Variants in ATP8A1 observed in about 807,000 individuals in gnomAD.
ATP8A1 encodes the protein ATPase phospholipid transporting 8A1.
A neutral mutation model predicts 177.7 loss-of-function variants in ATP8A1; 90 were observed. The ratio of observed to expected loss-of-function variants is 0.51; its 90% confidence interval spans 0.43 to 0.60. The LOEUF is 0.60. ATP8A1 is among the 20% of genes least tolerant of loss of function. The pLI is 0.00. For synonymous variants in ATP8A1, 493 were observed against 485.9 expected (o/e 1.01, Z -0.19); for missense variants, 1,072 against 1,392.8 (o/e 0.77, Z 3.67).
At chr4:42,448,519 T>G (rs1216974166) in intron 30 of ATP8A1, among the ~76,000 whole-genome samples, 2 of 150,448 alleles carry the variant, frequency 1.3e-5, no homozygotes, top group African/African-American at 4.9e-5. Flanking sequence ...TGCTTCAGCC[T>G]CTTGAGTAGT....
intron 1 of ATP8A1, among the ~76,000 whole-genome samples, chr4:42,636,785 GGCTCCAT>G (rs1417835399): frequency 1.3e-5 from 2 of 152,136 alleles, no homozygotes; most frequent in African/African-American, 4.8e-5. Flanking sequence ...GCTCCATCAA[GGCTCCAT>G]GCTCCTCATT....
Position 42,428,986 on chromosome 4 carries a change from T to C in ATP8A1, c.3124-5281A>G, listed in dbSNP as rs543220337. On this transcript the variant is annotated intron_variant, in intron 33 of 36. Transcript: ENST00000381668. Reference sequence around the variant, plus strand: ...CCTCTTGTTAGACTATATACTCTCTTAATTCTCATGATCCAAGTGCTTAAC... The same window carrying C: ...CCTCTTGTTAGACTATATACTCTCTCAATTCTCATGATCCAAGTGCTTAAC... Among the ~76,000 whole-genome samples, 79 of 152,314 alleles carry C rather than the reference T, an allele frequency of 5.2e-4. 1 individual carries two copies. The highest frequency in any genetic ancestry group is 1.7e-3 in the African/African-American group (70 of 41,576).
intron 1 of ATP8A1, among the ~76,000 whole-genome samples, chr4:42,629,804 G>C (rs528450274): frequency 6.6e-6 from 1 of 152,222 alleles, no homozygotes; most frequent in Admixed American, 6.5e-5. Context: ...TAATTTGGAA[G>C]TGAGAGTTTG....
Position 42,485,588 on chromosome 4 carries a change from AATT to A in ATP8A1, c.2229_2231del (p.Ile744del). 1 of 1,613,752 alleles carries A rather than the reference AATT, an allele frequency of 6.2e-7. No homozygotes were observed. The highest frequency in any genetic ancestry group is 8.5e-7 in the Non-Finnish European group (1 of 1,179,748). ...AGGCATATTTGAGGGTTTTCCCATC[AATT>A]ATAAGAGCAAAATCATTCTCTTTCC... On this transcript the variant is annotated inframe_deletion, in exon 25 of 37. Coordinates refer to ENST00000381668, the MANE Select transcript of ATP8A1 (RefSeq NM_006095.2).
chr4:42,419,031 C>T (rs527343493), intron 35 of ATP8A1, among the ~76,000 whole-genome samples: 32 of 152,286 alleles, frequency 2.1e-4, no homozygotes, highest in Non-Finnish European at 4.4e-4. Flanking sequence ...TTAAGAACTG[C>T]ATCATTGTAT....
intron 20 of ATP8A1, among the ~76,000 whole-genome samples, chr4:42,533,645 T>G (rs989338147): frequency 3.3e-5 from 5 of 152,144 alleles, no homozygotes; most frequent in Non-Finnish European, 5.9e-5. Context: ...AGGGCAAGCT[T>G]GCATCCTCCC....
chr4:42,528,481 T>G (rs1026219048), intron 20 of ATP8A1, among the ~76,000 whole-genome samples: 5 of 152,038 alleles, frequency 3.3e-5, no homozygotes, highest in Non-Finnish European at 7.4e-5. Context: ...GGAATGACAG[T>G]GGATTATCAG....
At chr4:42,614,492 T>A (rs982573551) in intron 5 of ATP8A1, among the ~76,000 whole-genome samples, 20 of 152,350 alleles carry the variant, frequency 1.3e-4, no homozygotes, top group African/African-American at 4.6e-4. Context: ...AATTCCTGTG[T>A]TTGTCCCTTC....
intron 35 of ATP8A1, among the ~76,000 whole-genome samples, chr4:42,419,872 G>A (rs1412736147): frequency 1.3e-5 from 2 of 152,164 alleles, no homozygotes; most frequent in Non-Finnish European, 2.9e-5. Context: ...GTGTGATGGC[G>A]TGTGCCTGTA....
chr4:42,567,534 C>T (rs1012202676), intron 15 of ATP8A1, among the ~76,000 whole-genome samples: 2 of 152,104 alleles, frequency 1.3e-5, no homozygotes, highest in African/African-American at 4.8e-5. Context: ...GTGAGACTCC[C>T]TCTTAACAAA....
intron 1 of ATP8A1, among the ~76,000 whole-genome samples, chr4:42,650,117 C>T (rs16854653): frequency 0.019 from 2,825 of 152,330 alleles, 33 homozygotes; most frequent in Middle Eastern, 0.054. Context: ...CCTTTGCAAA[C>T]ATTCCCACAG....
At chr4:42,487,550 T>C (rs923194271) in intron 24 of ATP8A1, among the ~76,000 whole-genome samples, 3 of 151,998 alleles carry the variant, frequency 2.0e-5, no homozygotes, top group African/African-American at 7.2e-5. Flanking sequence ...TAATAAAATA[T>C]ACCTACAATA....
intron 24 of ATP8A1, among the ~76,000 whole-genome samples, chr4:42,489,627 T>C (rs1000605184): frequency 2.0e-5 from 3 of 152,240 alleles, no homozygotes; most frequent in Non-Finnish European, 4.4e-5. Context: ...GCTCTGTTGT[T>C]AGCTGTGTGC....
chr4:42,485,130 A>G (rs931292659), intron 25 of ATP8A1, among the ~76,000 whole-genome samples: 4 of 152,200 alleles, frequency 2.6e-5, no homozygotes, highest in South Asian at 4.1e-4. Context: ...TTCAGTTTGC[A>G]TCTTTCATCA....
At chr4:42,563,396 T>G (rs915851780) in intron 15 of ATP8A1, among the ~76,000 whole-genome samples, 4 of 152,210 alleles carry the variant, frequency 2.6e-5, no homozygotes, top group Non-Finnish European at 5.9e-5. Flanking sequence ...TAAAGGCATT[T>G]AGTTTTATAA....
chr4:42,538,437 A>G (rs530472106), intron 20 of ATP8A1, among the ~76,000 whole-genome samples: 5 of 152,222 alleles, frequency 3.3e-5, no homozygotes, highest in African/African-American at 9.6e-5. Flanking sequence ...ACTAAAAAGC[A>G]CAGCAAAAAA....
chr4:42,643,746 C>G (rs1187334557), intron 1 of ATP8A1, among the ~76,000 whole-genome samples: 1 of 152,302 alleles, frequency 6.6e-6, no homozygotes, highest in East Asian at 1.9e-4. Flanking sequence ...CACTATCCAA[C>G]AGGCAGATGA....
intron 10 of ATP8A1, 31 bp from the exon 11 acceptor site, chr4:42,580,009 A>T: frequency 6.6e-7 from 1 of 1,510,410 alleles, no homozygotes; most frequent in Non-Finnish European, 9.0e-7. Flanking sequence ...AGTAATAAAA[A>T]ATGTACACCA....
intron 27 of ATP8A1, among the ~76,000 whole-genome samples, chr4:42,459,018 G>A (rs1436718178): frequency 1.3e-5 from 2 of 152,212 alleles, no homozygotes; most frequent in Admixed American, 6.5e-5. Context: ...ATTAACATCT[G>A]CAGAACTTGT....
Sources: allele counts gnomAD v4.1 joint callset (sites outside exome capture counted in the v4.1 genomes callset), GRCh38; gene constraint gnomAD v4.1.1; transcripts MANE v1.5; gene names NCBI Gene and HGNC (gene_info 2026-07-23, HGNC 2026-07-21).